The following PDZRN4 variants were observed in gnomAD, a reference collection of about 807,000 sequenced individuals.
The protein encoded by PDZRN4 is PDZ domain containing ring finger 4, also known as PDZ domain-containing RING finger protein 4.
A neutral mutation model predicts 99.0 loss-of-function variants in PDZRN4; 70 were observed. The ratio of observed to expected loss-of-function variants is 0.71; its 90% CI spans 0.58 to 0.86. The LOEUF (loss-of-function observed/expected upper bound fraction) is 0.86, where lower values mean the gene tolerates loss of function less well. Ranked by LOEUF, PDZRN4 falls within the 40% of genes least tolerant of loss-of-function variation. The pLI is 0.00. For missense variants in PDZRN4, 1,474 were observed against 1,331.2 expected (o/e 1.11, Z -1.67); for synonymous variants, 551 against 501.6 (o/e 1.10, Z -1.32).
intron 3 of PDZRN4, among the ~76,000 whole-genome samples, chr12:41,201,008 C>A (rs1950812181): frequency 6.6e-6 from 1 of 152,064 alleles, no homozygotes; most frequent in African/African-American, 2.4e-5. Flanking sequence ...CCTCTGCTAT[C>A]TATAACTCCA....
chr12:41,505,384 G>A (rs1283479049), intron 3 of PDZRN4, among the ~76,000 whole-genome samples: 1 of 152,120 alleles, frequency 6.6e-6, no homozygotes, highest in Non-Finnish European at 1.5e-5. Flanking sequence ...GAGTCATAAA[G>A]CTCTTTCAGG....
At chr12:41,555,903 G>A (rs567423089) in intron 7 of PDZRN4, 143 bp downstream of exon 7, 9 of 667,410 alleles carry the variant, frequency 1.3e-5, no homozygotes, top group African/African-American at 1.3e-4. Flanking sequence ...AAAAAGTGCT[G>A]TCATTTAAAA....
intron 3 of PDZRN4, among the ~76,000 whole-genome samples, chr12:41,376,679 T>A (rs1952083506): frequency 6.6e-6 from 1 of 152,162 alleles, no homozygotes; most frequent in Non-Finnish European, 1.5e-5. Context: ...TTCCATTGGT[T>A]GCTTTTTTAT....
chr12:41,222,761 G>A (rs1950966247), intron 3 of PDZRN4, among the ~76,000 whole-genome samples: 1 of 152,068 alleles, frequency 6.6e-6, no homozygotes, highest in African/African-American at 2.4e-5. Context: ...ATGACCTCAA[G>A]TGATCCACCC....
intron 3 of PDZRN4, among the ~76,000 whole-genome samples, chr12:41,502,178 C>G (rs988602464): frequency 1.3e-5 from 2 of 152,098 alleles, no homozygotes; most frequent in Non-Finnish European, 2.9e-5. Context: ...CCAATCGTCC[C>G]ACCCTGGGAC....
intron 3 of PDZRN4, among the ~76,000 whole-genome samples, chr12:41,373,405 C>T (rs770981416): frequency 6.6e-5 from 10 of 152,060 alleles, no homozygotes; most frequent in African/African-American, 1.2e-4. Context: ...AAAAGACAGC[C>T]GCCCCTGAAG....
At chr12:41,230,362 T>C (rs1359091711) in intron 3 of PDZRN4, among the ~76,000 whole-genome samples, 1 of 152,048 alleles carries the variant, frequency 6.6e-6, no homozygotes, top group Non-Finnish European at 1.5e-5. Flanking sequence ...TGGAATGTGT[T>C]CAGGCAGGAT....
chr12:41,279,480 G>A lies in PDZRN4; in HGVS notation c.843+85292G>A, dbSNP rs192903731. On this transcript the variant is annotated intron_variant, in intron 3 of 9. Transcript: ENST00000402685. ...AATGATGGTCGTGGTATTTAAAGAT[G>A]GGTAGTAGTTTCCAACAATAAGTAG... 9.7e-4 allele frequency among the ~76,000 whole-genome samples: 147 copies of A among 152,222 alleles called. 1 individual carries two copies. The highest frequency in any genetic ancestry group is 3.4e-3 in the African/African-American group (143 of 41,548).
At chr12:41,462,718 C>A (rs1952883584) in intron 3 of PDZRN4, among the ~76,000 whole-genome samples, 1 of 151,852 alleles carries the variant, frequency 6.6e-6, no homozygotes, top group South Asian at 2.1e-4. Context: ...GGGGAGACTC[C>A]TTTGCTATAG....
At chr12:41,257,252 C>G (rs1361389008) in intron 3 of PDZRN4, among the ~76,000 whole-genome samples, 1 of 152,200 alleles carries the variant, frequency 6.6e-6, no homozygotes, top group African/African-American at 2.4e-5. Flanking sequence ...ATGGTACTAG[C>G]AGGTTAGATT....
chr12:41,214,732 T>G (rs1211626115), intron 3 of PDZRN4, among the ~76,000 whole-genome samples: 1 of 151,928 alleles, frequency 6.6e-6, no homozygotes, highest in African/African-American at 2.4e-5. Flanking sequence ...GATTAGGGCT[T>G]AGAGAAATTA....
chr12:41,464,766 T>C (rs1952908584), intron 3 of PDZRN4, among the ~76,000 whole-genome samples: 1 of 151,878 alleles, frequency 6.6e-6, no homozygotes, highest in Non-Finnish European at 1.5e-5. Flanking sequence ...TTTAGAACCA[T>C]TGGGTTAAAT....
chr12:41,304,185 T>C (rs1951554762), intron 3 of PDZRN4, among the ~76,000 whole-genome samples: 1 of 152,188 alleles, frequency 6.6e-6, no homozygotes, highest in African/African-American at 2.4e-5. Context: ...TTACATACTT[T>C]CGAGTTTACA....
Position 41,555,735 on chromosome 12 carries a change from T to C in PDZRN4, c.1340T>C (p.Ile447Thr), listed in dbSNP as rs779629731. The change falls in exon 7 of 10, where the codon ATT (isoleucine) becomes ACT (threonine). Residue 447 changes from isoleucine (I) to threonine (T), a missense_variant. By Grantham distance (89) the Ile-to-Thr change is moderately conservative. Transcript: ENST00000402685. ...PNSIAAKDGR[I>T]REGDRILQIN... ...AGCATTGCTGCCAAAGACGGCCGGA[T>C]TCGAGAAGGGGATCGGATTTTGCAA... 1.2e-6 allele frequency: 2 copies of C among 1,614,068 alleles called. No individual in the cohort carries two copies. The highest frequency in any genetic ancestry group is 1.7e-6 in the Non-Finnish European group (2 of 1,179,948).
chr12:41,223,902 G>T (rs906434887), intron 3 of PDZRN4, among the ~76,000 whole-genome samples: 6 of 152,220 alleles, frequency 3.9e-5, no homozygotes, highest in Admixed American at 2.0e-4. Context: ...GAAGGGCTAG[G>T]AGTGGAAAGG....
chr12:41,368,718 T>C (rs1408736949), intron 3 of PDZRN4, among the ~76,000 whole-genome samples: 1 of 152,046 alleles, frequency 6.6e-6, no homozygotes, highest in African/African-American at 2.4e-5. Flanking sequence ...AACATTATGA[T>C]ATTATTTGTT....
At chr12:41,509,007 A>G (rs1230580373) in intron 4 of PDZRN4, among the ~76,000 whole-genome samples, 1 of 152,180 alleles carries the variant, frequency 6.6e-6, no homozygotes, top group Non-Finnish European at 1.5e-5. Flanking sequence ...CTTAGTCTTC[A>G]TATGGTATGA....
intron 3 of PDZRN4, among the ~76,000 whole-genome samples, chr12:41,345,939 A>G (rs1489848310): frequency 6.6e-6 from 1 of 152,120 alleles, no homozygotes; most frequent in Non-Finnish European, 1.5e-5. Flanking sequence ...ATTATTACCA[A>G]TAATAATATT....
chr12:41,310,420 CT>C (rs561243985), intron 3 of PDZRN4, among the ~76,000 whole-genome samples: 61 of 151,216 alleles, frequency 4.0e-4, no homozygotes, highest in African/African-American at 1.4e-3. Context: ...CTTCATCCTC[CT>C]TTTTTTTTCA....
Sources: allele counts gnomAD v4.1 joint callset (sites outside exome capture counted in the v4.1 genomes callset), GRCh38; gene constraint gnomAD v4.1.1; transcripts MANE v1.5; gene names NCBI Gene and HGNC (gene_info 2026-07-23, HGNC 2026-07-21).